Variants in SGCZ observed in about 807,000 individuals in gnomAD.
SGCZ encodes the protein sarcoglycan zeta, also known as zeta-sarcoglycan.
SGCZ carries 40 observed loss-of-function variants against 41.3 expected under a neutral mutation model. The observed-to-expected ratio is 0.97, with a 90% CI of 0.75 to 1.26. The LOEUF is 1.26. SGCZ is among the 50% of genes most tolerant of loss of function. SGCZ has a pLI of 0.00. For synonymous variants in SGCZ, 206 were observed against 137.5 expected (o/e 1.50, Z -3.49); for missense variants, 552 against 369.8 (o/e 1.49, Z -4.04).
chr8:14,871,279 T>A (rs1804140371), intron 1 of SGCZ, among the ~76,000 whole-genome samples: 1 of 152,008 alleles, frequency 6.6e-6, no homozygotes, highest in Admixed American at 6.6e-5. Context: ...CCTTTTACAC[T>A]GTTGGTGGGA....
chr8:15,058,286 C>T (rs948287398), intron 1 of SGCZ, among the ~76,000 whole-genome samples: 1 of 152,012 alleles, frequency 6.6e-6, no homozygotes, highest in Non-Finnish European at 1.5e-5. Context: ...ATACTGTGAT[C>T]TGTGTTGAAA....
At chr8:14,634,607 G>A (rs1287500806) in intron 1 of SGCZ, among the ~76,000 whole-genome samples, 8 of 151,870 alleles carry the variant, frequency 5.3e-5, no homozygotes, top group South Asian at 4.1e-4. Flanking sequence ...ATGACTGTAC[G>A]AGAAAGATGC....
intron 2 of SGCZ, among the ~76,000 whole-genome samples, chr8:14,413,703 AG>A (rs1303354418): frequency 6.6e-6 from 1 of 151,980 alleles, no homozygotes; most frequent in Non-Finnish European, 1.5e-5. Flanking sequence ...CTTTTTTGAG[AG>A]CACTAAAATT....
At chr8:15,053,317 C>A (rs1331595723) in intron 1 of SGCZ, among the ~76,000 whole-genome samples, 1 of 151,328 alleles carries the variant, frequency 6.6e-6, no homozygotes, top group Non-Finnish European at 1.5e-5. Context: ...ATATAGTCGT[C>A]ACTATATCTT....
intron 1 of SGCZ, among the ~76,000 whole-genome samples, chr8:14,996,593 G>T (rs927832899): frequency 1.3e-5 from 2 of 152,096 alleles, no homozygotes; most frequent in African/African-American, 4.8e-5. Context: ...TTGTCATTGA[G>T]GAAGTCAGAT....
intron 1 of SGCZ, among the ~76,000 whole-genome samples, chr8:15,016,249 C>T (rs144418990): frequency 6.6e-6 from 1 of 152,118 alleles, no homozygotes. Context: ...TTCATTAATT[C>T]CAATCTCTCT....
chr8:14,565,893 T>A (rs145936157), intron 1 of SGCZ, among the ~76,000 whole-genome samples: 2 of 152,264 alleles, frequency 1.3e-5, no homozygotes, highest in African/African-American at 4.8e-5. Context: ...TATTGGAACG[T>A]CATTTTTTTT....
At chr8:14,401,398 T>A (rs1490938434) in intron 2 of SGCZ, among the ~76,000 whole-genome samples, 1 of 149,946 alleles carries the variant, frequency 6.7e-6, no homozygotes, top group Non-Finnish European at 1.5e-5. Context: ...TAACTCGTCA[T>A]CTAGCATTAG....
At chr8:14,778,238 A>T (rs2130424979) in intron 1 of SGCZ, among the ~76,000 whole-genome samples, 1 of 152,286 alleles carries the variant, frequency 6.6e-6, no homozygotes, top group East Asian at 1.9e-4. Flanking sequence ...AAATTATATT[A>T]GTTAACACAG....
At chr8:14,318,325 A>T (rs1213731441) in intron 3 of SGCZ, among the ~76,000 whole-genome samples, 1 of 151,902 alleles carries the variant, frequency 6.6e-6, no homozygotes, top group African/African-American at 2.4e-5. Context: ...AGTTTTTACA[A>T]ATCTCCCTCA....
At chr8:14,767,795 T>G (rs1160717507) in intron 1 of SGCZ, among the ~76,000 whole-genome samples, 1 of 152,232 alleles carries the variant, frequency 6.6e-6, no homozygotes, top group Admixed American at 6.5e-5. Flanking sequence ...TGTAAAGCAC[T>G]GTGAAAACCA....
Position 14,551,469 on chromosome 8 carries a change from T to TGA in SGCZ, c.234+3262_234+3263insTC, listed in dbSNP as rs1452457549. ...TCATATATATATTATATATATTATA[T>TGA]ATATTATATATTATATATATTATAT... On this transcript the variant is annotated intron_variant, in intron 2 of 7. Transcript: ENST00000382080. Among the ~76,000 whole-genome samples, 2 of 6,316 alleles carry TGA rather than the reference T, an allele frequency of 3.2e-4. 1 individual carries two copies. The highest frequency in any genetic ancestry group is 6.5e-4 in the Non-Finnish European group (2 of 3,100). The allele number at this position is 6,316 out of a possible 152,430, so 4.1% of individuals were successfully genotyped here.
chr8:15,055,991 G>T (rs548423876), intron 1 of SGCZ, among the ~76,000 whole-genome samples: 1 of 152,226 alleles, frequency 6.6e-6, no homozygotes, highest in African/African-American at 2.4e-5. Context: ...CGTAAAGCTG[G>T]GTAAAGCAGT....
chr8:14,149,355 A>T (rs948149637), intron 5 of SGCZ, among the ~76,000 whole-genome samples: 1 of 152,118 alleles, frequency 6.6e-6, no homozygotes, highest in African/African-American at 2.4e-5. Flanking sequence ...TCAACATACG[A>T]AATTCAGTAG....
chr8:14,345,755 G>C (rs1200643624), intron 2 of SGCZ, among the ~76,000 whole-genome samples: 1 of 152,062 alleles, frequency 6.6e-6, no homozygotes, highest in Non-Finnish European at 1.5e-5. Flanking sequence ...TAATATCATT[G>C]ACTTCAATGG....
chr8:14,700,257 A>G (rs1326690229), intron 1 of SGCZ, among the ~76,000 whole-genome samples: 1 of 152,066 alleles, frequency 6.6e-6, no homozygotes, highest in Non-Finnish European at 1.5e-5. Flanking sequence ...TATATACATC[A>G]TAGGATACTA....
At chr8:14,265,434 T>C (rs1225241781) in intron 3 of SGCZ, among the ~76,000 whole-genome samples, 2 of 152,204 alleles carry the variant, frequency 1.3e-5, no homozygotes, top group Non-Finnish European at 2.9e-5. Flanking sequence ...ACGCTGGATC[T>C]CTATGTGTGA....
At chr8:15,210,449 C>T (rs1466415814) in intron 1 of SGCZ, among the ~76,000 whole-genome samples, 1 of 151,416 alleles carries the variant, frequency 6.6e-6, no homozygotes, top group Admixed American at 6.6e-5. Flanking sequence ...CTTTATAACC[C>T]TACTCCATAA....
intron 1 of SGCZ, among the ~76,000 whole-genome samples, chr8:14,781,036 T>C (rs78302405): frequency 6.6e-6 from 1 of 152,168 alleles, no homozygotes; most frequent in Admixed American, 6.5e-5. Context: ...CATCATTCTA[T>C]AAATATTTAG....
Sources: allele counts gnomAD v4.1 joint callset (sites outside exome capture counted in the v4.1 genomes callset), GRCh38; gene constraint gnomAD v4.1.1; transcripts MANE v1.5; gene names NCBI Gene and HGNC (gene_info 2026-07-23, HGNC 2026-07-21).